The following PDGFD variants were observed in gnomAD, a reference collection of about 807,000 sequenced individuals.
PDGFD encodes platelet derived growth factor D.
In PDGFD, 30 loss-of-function variants were observed where a neutral mutation model predicts 44.7. The ratio of observed to expected loss-of-function variants is 0.67; its 90% CI spans 0.50 to 0.91. The LOEUF (loss-of-function observed/expected upper bound fraction) is 0.91. PDGFD is among the 40% of genes least tolerant of loss of function. PDGFD has a pLI of 0.00. For missense variants in PDGFD, 445 were observed against 457.8 expected (o/e 0.97, Z 0.25); for synonymous variants, 173 against 168.4 (o/e 1.03, Z -0.21).
At chr11:104,110,951 GT>G (rs1565337940) in intron 1 of PDGFD, among the ~76,000 whole-genome samples, 1 of 151,968 alleles carries the variant, frequency 6.6e-6, no homozygotes. Context: ...TACCAAAAAT[GT>G]TTTTTTGTCC....
chr11:103,997,878 G>A (rs145971199), intron 2 of PDGFD, among the ~76,000 whole-genome samples: 1 of 152,156 alleles, frequency 6.6e-6, no homozygotes, highest in East Asian at 1.9e-4. Flanking sequence ...CAAGTCTCTG[G>A]TCTGTCTCTT....
intron 5 of PDGFD, among the ~76,000 whole-genome samples, chr11:103,938,795 C>A (rs954047596): frequency 7.2e-5 from 11 of 152,190 alleles, no homozygotes; most frequent in African/African-American, 1.2e-4. Context: ...TTCTCAGCAC[C>A]ATTTATTAAA....
At chr11:104,022,756 T>C (rs1253100218) in intron 1 of PDGFD, among the ~76,000 whole-genome samples, 2 of 151,994 alleles carry the variant, frequency 1.3e-5, no homozygotes, top group Non-Finnish European at 2.9e-5. Context: ...TGTGTGTACA[T>C]ATATATGTGT....
chr11:104,006,996 C>T (rs764922591), intron 1 of PDGFD, among the ~76,000 whole-genome samples: 13 of 152,192 alleles, frequency 8.5e-5, no homozygotes, highest in Non-Finnish European at 1.5e-4. Flanking sequence ...CACTGTATCA[C>T]GTGCCCATTT....
At chr11:103,926,631 T>C (rs1449767543) in intron 6 of PDGFD, among the ~76,000 whole-genome samples, 2 of 152,252 alleles carry the variant, frequency 1.3e-5, no homozygotes, top group Non-Finnish European at 2.9e-5. Flanking sequence ...GCTCTGAAAT[T>C]ACTGTATCAC....
In PDGFD at chr11:103,969,851, G is replaced by A. The variant is rs113460530; in HGVS notation, c.511-22127C>T. On this transcript the variant is annotated intron_variant, in intron 3 of 6. Transcript: ENST00000393158. ...TAATAACATTAATTCTGGACCTGGA[G>A]AATACTAAAATTTTTGTGAGAAAAC... Among the ~76,000 whole-genome samples the A allele has an allele frequency of 9.7e-3, 1,474 of 151,978 alleles. 32 individuals carry two copies. Among genetic ancestry groups the A allele is most frequent in the African/African-American group, 0.034 (1,402 of 41,486 alleles).
intron 1 of PDGFD, among the ~76,000 whole-genome samples, chr11:104,107,076 G>A (rs1861481672): frequency 6.6e-6 from 1 of 152,098 alleles, no homozygotes; most frequent in Non-Finnish European, 1.5e-5. Flanking sequence ...GCAGGACTCT[G>A]AAGATGAGAC....
At position 104,032,652 on chromosome 11, in the gene PDGFD, CTT is replaced by C. The variant is rs202215171; in HGVS notation, c.125-32399_125-32398del. On this transcript the variant is annotated intron_variant, in intron 1 of 6. Coordinates refer to ENST00000393158, the MANE Select transcript of PDGFD (RefSeq NM_025208.5). ...AACCATCAGTTATGTGGATTTTTTT[CTT>C]TTTTTTTTTTGCTACATTTTTAGAA... Among the ~76,000 whole-genome samples, 417 of 137,992 alleles carry C rather than the reference CTT, an allele frequency of 3.0e-3. 1 individual carries two copies. The highest frequency in any genetic ancestry group is 9.7e-3 in the African/African-American group (371 of 38,060). 90.5% of individuals were successfully genotyped at this position (137,992 alleles called of 152,430 possible).
In PDGFD at chr11:103,908,187, T is replaced by C. The variant is rs1857967539; in HGVS notation, c.*1507A>G. The C allele has an allele frequency of 6.6e-6, 1 of 152,194 alleles. No individual in the cohort carries two copies. Among genetic ancestry groups the C allele is most frequent in the Non-Finnish European group, 1.5e-5 (1 of 68,024 alleles). 9.4% of individuals were successfully genotyped at this position (152,194 alleles called of 1,614,324 possible). A position where few individuals can be genotyped will look rare whatever the true frequency, so the allele number is the denominator to read the frequency against. On this transcript the variant is annotated 3_prime_UTR_variant, in exon 7 of 7. Transcript: ENST00000393158. ...CAATAAGAAAAATGTAGTTCTCTGTTAGCAGTCCCTGAGCTATCTGAATTT... is the reference window on the plus strand; with the variant it reads ...CAATAAGAAAAATGTAGTTCTCTGTCAGCAGTCCCTGAGCTATCTGAATTT...
At chr11:104,131,997 CAAAAAA>C (rs1229956100) in intron 1 of PDGFD, among the ~76,000 whole-genome samples, 1 of 145,108 alleles carries the variant, frequency 6.9e-6, no homozygotes, top group Non-Finnish European at 1.5e-5. Flanking sequence ...CAAAACAAAA[CAAAAAA>C]AACACTATCC....
chr11:104,151,255 T>C (rs1455001133), intron 1 of PDGFD, among the ~76,000 whole-genome samples: 1 of 152,192 alleles, frequency 6.6e-6, no homozygotes, highest in Non-Finnish European at 1.5e-5. Context: ...TGTATCCATA[T>C]TTTGTTCAAA....
chr11:104,023,413 G>C (rs764527517), intron 1 of PDGFD, among the ~76,000 whole-genome samples: 62 of 152,052 alleles, frequency 4.1e-4, no homozygotes, highest in Non-Finnish European at 1.5e-4. Context: ...ATCCACCAAA[G>C]ACAGGTTTAT....
chr11:104,119,144 A>ATATAATATATCGATATAAT (rs1565340564), intron 1 of PDGFD, among the ~76,000 whole-genome samples: 1 of 11,522 alleles, frequency 8.7e-5, no homozygotes, highest in Non-Finnish European at 1.8e-4. Context: ...ATAATATATT[A>ATATAATATATCGATATAAT]ATATAATATA....
At chr11:104,104,060 A>G (rs547284352) in intron 1 of PDGFD, among the ~76,000 whole-genome samples, 11 of 152,228 alleles carry the variant, frequency 7.2e-5, no homozygotes, top group South Asian at 6.2e-4. Flanking sequence ...GACCCTGTGC[A>G]GGCCTAAGCT....
intron 1 of PDGFD, among the ~76,000 whole-genome samples, chr11:104,072,381 C>G (rs1860892780): frequency 6.6e-6 from 1 of 151,664 alleles, no homozygotes; most frequent in African/African-American, 2.4e-5. Flanking sequence ...TGTTATTATA[C>G]TGTCTAGGTA....
chr11:103,909,536 T>C lies in PDGFD; in HGVS notation c.*158A>G. On this transcript the variant is annotated 3_prime_UTR_variant, in exon 7 of 7. Transcript: ENST00000393158. The stretch of plus-strand genomic sequence containing the variant: ...TGATGATATACCTTTCTACTTGCCA[T>C]GGCATTAACAAAGCAAGGCTGAGAC... 1.2e-6 allele frequency: 1 copy of C among 825,756 alleles called. No homozygotes were observed. Among genetic ancestry groups the C allele is most frequent in the South Asian group, 1.7e-5 (1 of 60,394 alleles). 51.2% of individuals were successfully genotyped at this position (825,756 alleles called of 1,614,324 possible). A position where few individuals can be genotyped will look rare whatever the true frequency, so the allele number is the denominator to read the frequency against.
rs1318496317 is a variant in PDGFD, at chr11:104,119,058, A to ATATT, written c.124+44745_124+44746insAATA. Among the ~76,000 whole-genome samples the ATATT allele has an allele frequency of 9.3e-4, 38 of 41,050 alleles. 4 individuals carry two copies. The highest frequency in any genetic ancestry group is 3.5e-3 in the African/African-American group (38 of 10,852). The allele number at this position is 41,050 out of a possible 152,430, so 26.9% of individuals were successfully genotyped here. A position where few individuals can be genotyped will look rare whatever the true frequency, so the allele number is the denominator to read the frequency against. ...ATAATATATAATATATTGATATATT[A>ATATT]ATATAATATATTGGTATAATATATA... On this transcript the variant is annotated intron_variant, in intron 1 of 6. Coordinates refer to ENST00000393158, the MANE Select transcript of PDGFD (RefSeq NM_025208.5).
chr11:104,062,932 C>T (rs957394315), intron 1 of PDGFD, among the ~76,000 whole-genome samples: 1 of 152,088 alleles, frequency 6.6e-6, no homozygotes, highest in Admixed American at 6.6e-5. Flanking sequence ...ACGTTGTGAA[C>T]CTCTATCTTC....
intron 1 of PDGFD, among the ~76,000 whole-genome samples, chr11:104,096,625 G>A (rs1591161574): frequency 6.6e-6 from 1 of 152,138 alleles, no homozygotes. Context: ...ATCATTCTAA[G>A]AGTATCTCTG....
Sources: gnomAD v4.1 joint callset for allele counts (sites outside exome capture counted in the v4.1 genomes callset) on GRCh38, gnomAD v4.1.1 for gene constraint, MANE v1.5 for transcripts, NCBI Gene and HGNC (gene_info 2026-07-23, HGNC 2026-07-21) for gene names.